Variants in CRB2 observed in about 807,000 individuals in gnomAD.
The protein encoded by CRB2 is protein crumbs homolog 2.
Under a neutral mutation model 110.9 loss-of-function variants are expected in CRB2, and 85 were observed. The observed-to-expected ratio is 0.77, with a 90% CI of 0.64 to 0.92. CRB2 has a LOEUF of 0.92. CRB2 is among the 40% of genes least tolerant of loss of function. The pLI, the probability that CRB2 is intolerant of heterozygous loss-of-function variation, is 0.00. For synonymous variants in CRB2, 907 were observed against 831.0 expected (o/e 1.09, Z -1.57); for missense variants, 1,843 against 1,851.3 (o/e 1.00, Z 0.08).
rs756276020 is a variant in CRB2, at chr9:123,367,609, C to T, written c.977C>T (p.Ser326Leu). ...DCGVEVDECA[S>L]RPCLNGGHCQ... is the part of the protein sequence containing the mutation. ...GGTGTGGAGGTGGACGAGTGTGCCT[C>T]ACGGCCATGCCTCAACGGAGGCCAC... is the stretch of plus-strand genomic sequence containing the variant. The change falls in exon 6 of 13, where the codon TCA becomes TTA. Residue 326 changes from serine to leucine, a missense_variant. Ser to Leu is a moderately radical substitution (Grantham distance 145, BLOSUM62 -2). Transcript: ENST00000373631. 88 of 1,566,188 alleles carry T rather than the reference C, an allele frequency of 5.6e-5. No homozygotes were observed. Among genetic ancestry groups the T allele is most frequent in the Non-Finnish European group, 7.4e-5 (86 of 1,156,332 alleles).
Position 123,377,139 on chromosome 9 carries a change from G to A in CRB2, c.*77G>A. On this transcript the variant is annotated 3_prime_UTR_variant, in exon 13 of 13. Coordinates refer to ENST00000373631, the MANE Select transcript of CRB2 (RefSeq NM_173689.7). Reference sequence around the variant, plus strand: ...TGGAGACCCAAGGAAGCTGCTTCCAGGGCTCGGGACATTGCTACGGAAGTG... The same window carrying A: ...TGGAGACCCAAGGAAGCTGCTTCCAAGGCTCGGGACATTGCTACGGAAGTG... The A allele has an allele frequency of 1.5e-6, 2 of 1,315,354 alleles. No individual in the cohort carries two copies. Among genetic ancestry groups the A allele is most frequent in the Non-Finnish European group, 2.1e-6 (2 of 973,920 alleles). 81.5% of individuals were successfully genotyped at this position (1,315,354 alleles called of 1,614,324 possible). A position where few individuals can be genotyped will look rare whatever the true frequency, so the allele number is the denominator to read the frequency against.
At chr9:123,376,733 T>C in intron 12 of CRB2, 105 bp from the exon 13 acceptor site, 1 of 1,115,554 alleles carries the variant, frequency 9.0e-7, no homozygotes, top group Admixed American at 2.5e-5. Flanking sequence ...CTCCCAGCTC[T>C]GATTTTCTCT....
chr9:123,356,103 G>A (rs2041793308), upstream of CRB2: 3 of 489,468 alleles, frequency 6.1e-6, no homozygotes, highest in East Asian at 3.3e-5. Flanking sequence ...AGCCCAGGAG[G>A]CCTGGGTGGG....
At chr9:123,366,730 A>G (rs939747328) in intron 4 of CRB2, among the ~76,000 whole-genome samples, 2 of 152,194 alleles carry the variant, frequency 1.3e-5, no homozygotes, top group South Asian at 4.1e-4. Flanking sequence ...AGGCGGGCGG[A>G]TCACGAGGTC....
rs1258186681 is a variant in CRB2, at chr9:123,371,076, C to T, written c.1934C>T (p.Pro645Leu). 17 of 1,611,918 alleles carry T rather than the reference C, an allele frequency of 1.1e-5. No homozygotes were observed. The highest frequency in any genetic ancestry group is 1.4e-5 in the Non-Finnish European group (17 of 1,179,282). The part of the protein sequence containing the change: ...HRGPTCADEI[P>L]AATFGLGGAP... ...GCACCTTCTCTCCCTGCAGAGATTC[C>T]TGCTGCCACCTTTGGCTTGGGAGGC... is the stretch of plus-strand genomic sequence containing the variant. Residue 645 changes from proline (P) to leucine (L), a missense_variant, in exon 8 of 13, where the codon CCT becomes CTT. By Grantham distance (98) the Pro-to-Leu change is moderately conservative. Coordinates refer to ENST00000373631, the MANE Select transcript of CRB2 (RefSeq NM_173689.7).
At chr9:123,374,963 G>A (rs986794981) in intron 11 of CRB2, among the ~76,000 whole-genome samples, 1 of 152,344 alleles carries the variant, frequency 6.6e-6, no homozygotes. Flanking sequence ...TCTGGGCCCT[G>A]CAGACAGTGG....
In CRB2 at chr9:123,356,244, G is replaced by C. The variant is rs1478092585; in HGVS notation, c.-17G>C. The C allele has an allele frequency of 1.3e-5, 2 of 150,788 alleles. No individual in the cohort carries two copies. The highest frequency in any genetic ancestry group is 2.6e-4 in the South Asian group (2 of 7,690). 9.3% of individuals were successfully genotyped at this position (150,788 alleles called of 1,614,324 possible). A position where few individuals can be genotyped will look rare whatever the true frequency, so the allele number is the denominator to read the frequency against. On this transcript the variant is annotated 5_prime_UTR_variant, in exon 1 of 13. Coordinates refer to ENST00000373631, the MANE Select transcript of CRB2 (RefSeq NM_173689.7). Reference sequence around the variant, plus strand: ...CCCGTTCTCACAGCAGCCGAGCAGAGCGCAGAGCGGGCTGCCATGGCGCTG... The same window carrying C: ...CCCGTTCTCACAGCAGCCGAGCAGACCGCAGAGCGGGCTGCCATGGCGCTG...
rs751053545 is a variant in CRB2, at chr9:123,367,183, G to A, written c.766G>A (p.Glu256Lys). 39 of 1,592,012 alleles carry A rather than the reference G, an allele frequency of 2.4e-5. No homozygotes were observed. Among genetic ancestry groups the A allele is most frequent in the African/African-American group, 5.4e-5 (4 of 74,156 alleles). The change falls in exon 5 of 13, where the codon GAG becomes AAG. Residue 256 changes from glutamate to lysine, a missense_variant. Coordinates refer to ENST00000373631, the MANE Select transcript of CRB2 (RefSeq NM_173689.7). ...GTGTGTGCCCCCAGGCTACAGCGGC[G>A]AGCTGTGCGAGGTGGACGAGGACGA... ...RCLCWPGYSG[E>K]LCEVDEDECA...
In CRB2 at chr9:123,377,425, T is replaced by TGTC. The variant is rs1564381266; in HGVS notation, c.*364_*366dup. On this transcript the variant is annotated 3_prime_UTR_variant, in exon 13 of 13. Transcript: ENST00000373631. Reference sequence around the variant, plus strand: ...TAGTCTGCAGATGCTAGTGTGAGTGTGTCCTGACATGGCTCCAGGGCGTGT... The same window carrying TGTC: ...TAGTCTGCAGATGCTAGTGTGAGTGTGTCGTCCTGACATGGCTCCAGGGCGTGT... The TGTC allele has an allele frequency of 4.8e-6, 1 of 208,772 alleles. No homozygotes were observed. Among genetic ancestry groups the TGTC allele is most frequent in the East Asian group, 1.2e-4 (1 of 8,694 alleles). The allele number at this position is 208,772 out of a possible 1,614,324, so 12.9% of individuals were successfully genotyped here.
At chr9:123,379,322 C>T (rs1212449998), downstream of CRB2, among the ~76,000 whole-genome samples, 1 of 152,216 alleles carries the variant, frequency 6.6e-6, no homozygotes, top group Non-Finnish European at 1.5e-5. Flanking sequence ...AATGAGAGAC[C>T]TGTGGGGGCG....
intron 1 of CRB2, among the ~76,000 whole-genome samples, chr9:123,357,876 G>A (rs1023128362): frequency 2.0e-5 from 3 of 152,238 alleles, no homozygotes; most frequent in South Asian, 2.1e-4. Context: ...ACCCCAACAC[G>A]CACATGTGGA....
At chr9:123,368,502 T>C (rs1358752964) in intron 6 of CRB2, among the ~76,000 whole-genome samples, 2 of 152,376 alleles carry the variant, frequency 1.3e-5, no homozygotes, top group African/African-American at 4.8e-5. Flanking sequence ...GGGAAGCATT[T>C]GCTCTGCATT....
Position 123,370,423 on chromosome 9 carries a change from G to C in CRB2, c.1370G>C (p.Gly457Ala). The C allele has an allele frequency of 6.2e-7, 1 of 1,613,450 alleles. No homozygotes were observed. Among genetic ancestry groups the C allele is most frequent in the Non-Finnish European group, 8.5e-7 (1 of 1,179,998 alleles). ...SPIQASVPAG[G>A]PLGLALRFRT... ...ATTCAGGCATCAGTGCCAGCTGGTG[G>C]CCCCCTGGGTCTGGCACTGAGGTTT... is the stretch of plus-strand genomic sequence containing the variant. The change falls in exon 7 of 13, where the codon GGC becomes GCC. Residue 457 changes from glycine (G) to alanine (A), a missense_variant. Physicochemically the swap from Gly to Ala is moderately conservative, Grantham distance 60. Coordinates refer to ENST00000373631, the MANE Select transcript of CRB2 (RefSeq NM_173689.7).
rs2041970255 is a variant in CRB2, at chr9:123,368,695, G to A, written c.1054+1009G>A. 2.3e-5 allele frequency: 21 copies of A among 920,562 alleles called. No homozygotes were observed. In the South Asian group the frequency reaches 5.3e-4, roughly 23 times the overall value. 57.0% of individuals were successfully genotyped at this position (920,562 alleles called of 1,614,324 possible). A position where few individuals can be genotyped will look rare whatever the true frequency, so the allele number is the denominator to read the frequency against. On this transcript the variant is annotated intron_variant, in intron 6 of 12. Coordinates refer to ENST00000373631, the MANE Select transcript of CRB2 (RefSeq NM_173689.7). The stretch of plus-strand genomic sequence containing the variant: ...CCTCTGAGGTCAGAGCCAGGGAGGG[G>A]GGACCCCAGCTGCAGGGCTGGGCTC...
rs142111052 is a variant in CRB2 at position 123,358,517 on chromosome 9, C to A, written c.94+2163C>A. ...ACACATTCAACCCAATGTCAGGATC[C>A]TTTGGACAGTGGGTGTCTGCCTCAA... On this transcript the variant is annotated intron_variant, in intron 1 of 12. Coordinates refer to ENST00000373631, the MANE Select transcript of CRB2 (RefSeq NM_173689.7). 5.7e-3 allele frequency among the ~76,000 whole-genome samples: 867 copies of A among 152,354 alleles called. 8 individuals carry two copies. Among genetic ancestry groups the A allele is most frequent in the African/African-American group, 0.019 (804 of 41,576 alleles).
intron 6 of CRB2, chr9:123,368,923 TG>T: frequency 8.0e-7 from 1 of 1,255,530 alleles, no homozygotes; most frequent in Non-Finnish European, 1.0e-6. Context: ...TGGACCTTCC[TG>T]GGCCACCTGT....
In CRB2 at chr9:123,359,451, T is replaced by TG. The variant is rs1251208106; in HGVS notation, c.94+3097_94+3098insG. Among the ~76,000 whole-genome samples the TG allele has an allele frequency of 1.8e-3, 241 of 134,344 alleles. 2 individuals are homozygous for TG. The highest frequency in any genetic ancestry group is 2.9e-3 in the Admixed American group (38 of 13,198). 88.1% of individuals were successfully genotyped at this position (134,344 alleles called of 152,430 possible). A position where few individuals can be genotyped will look rare whatever the true frequency, so the allele number is the denominator to read the frequency against. ...TTTCGTTTTTGTTTTGTTTTTTTTT[T>TG]TTTTTTTTTTTTTTTAAGAAAGGGT... On this transcript the variant is annotated intron_variant, in intron 1 of 12. Coordinates refer to ENST00000373631, the MANE Select transcript of CRB2 (RefSeq NM_173689.7).
At chr9:123,379,174 G>A (rs1275991763), downstream of CRB2, among the ~76,000 whole-genome samples, 4 of 151,992 alleles carry the variant, frequency 2.6e-5, no homozygotes, top group Non-Finnish European at 5.9e-5. Flanking sequence ...GATGATGGGC[G>A]AGTCGGAGGG....
chr9:123,370,713 G>T lies in CRB2; in HGVS notation c.1660G>T (p.Ala554Ser). The T allele has an allele frequency of 6.2e-7, 1 of 1,604,244 alleles. No homozygotes were observed. The change falls in exon 7 of 13, where the codon GCT becomes TCT. Residue 554 changes from alanine (A) to serine (S), a missense_variant. Transcript: ENST00000373631. ...TGTGGCCTCTGGTCCTGTGGCCCTG[G>T]CTTCCACGGCTTCGGCAACTCCGCT... ...LCVASGPVAL[A>S]STASATPLPA...
Sources: gnomAD v4.1 joint callset for allele counts (sites outside exome capture counted in the v4.1 genomes callset) on GRCh38, gnomAD v4.1.1 for gene constraint, MANE v1.5 for transcripts, NCBI Gene and HGNC (gene_info 2026-07-23, HGNC 2026-07-21) for gene names.